Variants in LTBP1 observed in about 807,000 individuals in gnomAD.
LTBP1 encodes the protein latent transforming growth factor beta binding protein 1.
In LTBP1, 129 loss-of-function variants were observed where a neutral mutation model predicts 207.6. The observed-to-expected ratio is 0.62, with a 90% CI of 0.54 to 0.72. LTBP1 has a LOEUF of 0.72. Among genes scored for constraint, LTBP1 ranks in the 30% least tolerant of loss-of-function variants. The pLI, the probability that LTBP1 is intolerant of heterozygous loss-of-function variation, is 0.00. For missense variants in LTBP1, 2,281 were observed against 2,217.2 expected (o/e 1.03, Z -0.58); for synonymous variants, 963 against 833.7 (o/e 1.16, Z -2.67).
intron 5 of LTBP1, among the ~76,000 whole-genome samples, chr2:33,173,376 C>G (rs981328223): frequency 3.3e-5 from 5 of 152,088 alleles, no homozygotes; most frequent in African/African-American, 7.2e-5. Flanking sequence ...ACTACAAACA[C>G]CTCTACGCAA....
Position 33,088,918 on chromosome 2 carries a change from G to A in LTBP1, c.864-21664G>A, listed in dbSNP as rs1353534924. Among the ~76,000 whole-genome samples the A allele has an allele frequency of 2.6e-5, 4 of 152,030 alleles. No individual in the cohort carries two copies. In the South Asian group the frequency reaches 6.2e-4, roughly 24 times the overall value. On this transcript the variant is annotated intron_variant, in intron 3 of 33. Transcript: ENST00000404816. ...TGCTTGTAATCCCAGCACTTTGGGA[G>A]GCCGAGGCGGGCAGATCACTTGAGA...
chr2:33,366,173 T>G (rs1337468328), intron 31 of LTBP1, among the ~76,000 whole-genome samples: 1 of 152,100 alleles, frequency 6.6e-6, no homozygotes, highest in South Asian at 2.1e-4. Context: ...GACCGTTGAG[T>G]TGTGCACTGA....
chr2:33,251,068 A>G (rs543074152), intron 10 of LTBP1, among the ~76,000 whole-genome samples: 3 of 151,976 alleles, frequency 2.0e-5, no homozygotes, highest in Non-Finnish European at 4.4e-5. Context: ...ACCCACTAAC[A>G]CCAATGCCAG....
At chr2:33,236,331 T>G (rs2092048503) in intron 9 of LTBP1, among the ~76,000 whole-genome samples, 1 of 152,244 alleles carries the variant, frequency 6.6e-6, no homozygotes. Flanking sequence ...AACTGATAGA[T>G]AATTTACTGA....
Position 33,361,486 on chromosome 2 carries a change from C to T in LTBP1, c.4241C>T (p.Ser1414Phe). 1 of 1,611,764 alleles carries T rather than the reference C, an allele frequency of 6.2e-7. No homozygotes were observed. The highest frequency in any genetic ancestry group is 1.7e-4 in the Middle Eastern group (1 of 6,052). ...GKGFVPAGESSSEAGGENYKD... is the reference protein window; with the variant it reads ...GKGFVPAGESFSEAGGENYKD... The stretch of plus-strand genomic sequence containing the variant: ...GGTTTTGTGCCTGCTGGAGAATCAT[C>T]TTCTGAAGCTGGTGGTGAGAACTAT... Residue 1414 changes from serine (S) to phenylalanine (F), a missense_variant, in exon 28 of 34, where the codon TCT (serine) becomes TTT (phenylalanine). Ser to Phe is a radical substitution (Grantham distance 155). Around this residue, in one of 3 missense-constraint regions of LTBP1, gnomAD observed 1,671 missense variants for 1,634.8 expected, o/e 1.02. Coordinates refer to ENST00000404816, the MANE Select transcript of LTBP1 (RefSeq NM_206943.4).
chr2:33,010,533 A>G (rs1687529925), intron 2 of LTBP1, among the ~76,000 whole-genome samples: 2 of 152,180 alleles, frequency 1.3e-5, no homozygotes, highest in Admixed American at 1.3e-4. Flanking sequence ...AAATGTTCCC[A>G]ACACATAGAA....
At chr2:33,266,795 C>G (rs1445048107) in intron 15 of LTBP1, among the ~76,000 whole-genome samples, 1 of 152,178 alleles carries the variant, frequency 6.6e-6, no homozygotes, top group Non-Finnish European at 1.5e-5. Context: ...CCACCTTGCT[C>G]ACCCTCCAGT....
chr2:33,310,340 T>G (rs2094165835), intron 23 of LTBP1, among the ~76,000 whole-genome samples: 1 of 152,156 alleles, frequency 6.6e-6, no homozygotes, highest in Non-Finnish European at 1.5e-5. Context: ...TGCTGTCATG[T>G]TTAATCTTCC....
intron 2 of LTBP1, among the ~76,000 whole-genome samples, chr2:32,959,621 A>ATATTTTTT (rs1475834284): frequency 2.7e-5 from 1 of 36,670 alleles, no homozygotes; most frequent in Non-Finnish European, 5.0e-5. Flanking sequence ...ATATATATAT[A>ATATTTTTT]TTTTTTTTTT....
chr2:33,148,344 GATAAC>G (rs1488715405), intron 5 of LTBP1, among the ~76,000 whole-genome samples: 2 of 152,166 alleles, frequency 1.3e-5, no homozygotes, highest in Admixed American at 6.5e-5. Flanking sequence ...CATTCTTTCT[GATAAC>G]ATATGTTCTC....
chr2:33,379,868 A>G (rs189713240), intron 31 of LTBP1, among the ~76,000 whole-genome samples: 117 of 152,350 alleles, frequency 7.7e-4, no homozygotes, highest in African/African-American at 2.4e-3. Context: ...TGTTATTCAG[A>G]ACCTTGAGAT....
At chr2:33,264,971 AGTC>A (rs2093133840) in intron 15 of LTBP1, among the ~76,000 whole-genome samples, 4 of 152,146 alleles carry the variant, frequency 2.6e-5, no homozygotes, top group African/African-American at 9.7e-5. Context: ...TCTGAGTCTG[AGTC>A]TGAAGGCCTG....
intron 10 of LTBP1, 31 bp downstream of exon 10, chr2:33,243,815 T>C (rs375885439): frequency 2.1e-5 from 34 of 1,612,444 alleles, no homozygotes; most frequent in Non-Finnish European, 2.5e-5. Context: ...ATTCCTGTTT[T>C]GGATTAATTG....
intron 3 of LTBP1, among the ~76,000 whole-genome samples, chr2:33,025,235 A>G (rs1204960402): frequency 6.6e-6 from 1 of 152,224 alleles, no homozygotes; most frequent in Non-Finnish European, 1.5e-5. Flanking sequence ...CAGAGGGGGT[A>G]GAAGTATGCT....
intron 3 of LTBP1, among the ~76,000 whole-genome samples, chr2:33,046,847 G>A (rs1019723976): frequency 1.3e-5 from 2 of 152,172 alleles, no homozygotes; most frequent in Admixed American, 6.5e-5. Context: ...TTGGGAGGGT[G>A]TATGTGTCCA....
At chr2:33,135,909 A>G (rs1275763230) in intron 5 of LTBP1, among the ~76,000 whole-genome samples, 1 of 152,226 alleles carries the variant, frequency 6.6e-6, no homozygotes, top group East Asian at 1.9e-4. Flanking sequence ...AGATAATAAC[A>G]CTGGCTAGAT....
intron 31 of LTBP1, 79 bp from the exon 32 acceptor site, chr2:33,389,105 C>G (rs563221224): frequency 5.7e-6 from 9 of 1,591,942 alleles, no homozygotes; most frequent in Non-Finnish European, 7.7e-6. Flanking sequence ...GGCAGATTCC[C>G]GTTGCTCTGA....
At chr2:33,372,600 G>A (rs2095082901) in intron 31 of LTBP1, among the ~76,000 whole-genome samples, 1 of 152,206 alleles carries the variant, frequency 6.6e-6, no homozygotes. Flanking sequence ...ATCACCGGGT[G>A]TGGTGGCTCA....
chr2:33,291,078 C>T (rs553164372), intron 19 of LTBP1, among the ~76,000 whole-genome samples: 29 of 152,266 alleles, frequency 1.9e-4, no homozygotes, highest in African/African-American at 6.7e-4. Flanking sequence ...TCAAACTGTT[C>T]TATCTACGGT....
Sources: allele counts gnomAD v4.1 joint callset (sites outside exome capture counted in the v4.1 genomes callset), GRCh38; gene constraint gnomAD v4.1.1; regional missense constraint gnomAD v4.1.1; transcripts MANE v1.5; gene names NCBI Gene and HGNC (gene_info 2026-07-23, HGNC 2026-07-21).